Variants in MMAB observed in about 807,000 individuals in gnomAD.
MMAB encodes the protein corrinoid adenosyltransferase MMAB.
Under a neutral mutation model 30.6 loss-of-function variants are expected in MMAB, and 17 were observed. The ratio of observed to expected loss-of-function variants is 0.56; its 90% CI spans 0.38 to 0.83. MMAB has a LOEUF of 0.83. MMAB is among the 40% of genes least tolerant of loss of function. MMAB has a pLI of 0.00. For missense variants in MMAB, 311 were observed against 331.6 expected, an observed-to-expected ratio of 0.94 and a Z score of 0.48; for synonymous variants, 134 against 138.6, an observed-to-expected ratio of 0.97 and a Z score of 0.23.
Position 109,556,645 on chromosome 12 carries a change from C to T in MMAB, c.*383G>A. The T allele has an allele frequency of 2.4e-6, 1 of 410,092 alleles. No homozygotes were observed. The allele number at this position is 410,092 out of a possible 1,614,324, so 25.4% of individuals were successfully genotyped here. On this transcript the variant is annotated 3_prime_UTR_variant, in exon 9 of 9. Transcript: ENST00000545712. ...CCTGAGCTGGCAGTGGGAGGGCTCT[C>T]TCTCACACACACACACACACACACA...
At chr12:109,572,574 AG>A (rs1884685386) in intron 1 of MMAB, among the ~76,000 whole-genome samples, 1 of 151,994 alleles carries the variant, frequency 6.6e-6, no homozygotes, top group African/African-American at 2.4e-5. Context: ...GTTCACAGAC[AG>A]GGTCTTGCTC....
At position 109,561,866 on chromosome 12, in the gene MMAB, G is replaced by C. The variant is rs1452207959; in HGVS notation, c.349-14C>G. 1 of 1,595,298 alleles carries C rather than the reference G, an allele frequency of 6.3e-7. No individual in the cohort carries two copies. Among genetic ancestry groups the C allele is most frequent in the East Asian group, 2.3e-5 (1 of 44,152 alleles). On this transcript the variant is annotated splice_polypyrimidine_tract_variant and intron_variant, in intron 4 of 8. Coordinates refer to ENST00000545712, the MANE Select transcript of MMAB (RefSeq NM_052845.4). This position sits in a 1 kb window ranked among gnomAD's most constrained non-coding sequence, Gnocchi z 5.3. ...TGTGCACTGGATCTGGGGGGCGACA[G>C]AAAGTGACAGTCAAGATCTATGTGA...
At chr12:109,562,174 T>A (rs1165494534) in intron 4 of MMAB, among the ~76,000 whole-genome samples, 7 of 152,124 alleles carry the variant, frequency 4.6e-5, no homozygotes, top group East Asian at 1.9e-4. Context: ...CTCTTCACAC[T>A]CTCTCTCTCC....
In MMAB at chr12:109,555,473, TAG is replaced by T; in HGVS notation, c.*1553_*1554del. The stretch of plus-strand genomic sequence containing the variant: ...AATTTTTTTTTTTTTTTTTTTTTTT[TAG>T]CAGAAATGGGGTTTTACCATGTTGA... On this transcript the variant is annotated 3_prime_UTR_variant, in exon 9 of 9. Coordinates refer to ENST00000545712, the MANE Select transcript of MMAB (RefSeq NM_052845.4). The T allele has an allele frequency of 5.9e-6, 2 of 341,294 alleles. No individual in the cohort carries two copies. The highest frequency in any genetic ancestry group is 5.4e-6 in the Non-Finnish European group (1 of 185,192). 21.1% of individuals were successfully genotyped at this position (341,294 alleles called of 1,614,324 possible).
chr12:109,571,902 C>A (rs1884646853), intron 1 of MMAB, among the ~76,000 whole-genome samples, 192 bp from the exon 2 acceptor site: 1 of 152,212 alleles, frequency 6.6e-6, no homozygotes, highest in Non-Finnish European at 1.5e-5. Flanking sequence ...TGGGCAAGAC[C>A]AGAGCTGGAT....
Position 109,556,222 on chromosome 12 carries a change from GTGGATGTCAGCCTTGC to G in MMAB, c.*790_*805del, listed in dbSNP as rs1397512781. ...GTGCAACATCGGAGAAATCAGTCTG[GTGGATGTCAGCCTTGC>G]TGGAAACTGACAACCTCATTTTCTC... On this transcript the variant is annotated 3_prime_UTR_variant, in exon 9 of 9. Transcript: ENST00000545712. 2.2e-6 allele frequency: 1 copy of G among 454,126 alleles called. No homozygotes were observed. Among genetic ancestry groups the G allele is most frequent in the East Asian group, 7.0e-5 (1 of 14,386 alleles). 28.1% of individuals were successfully genotyped at this position (454,126 alleles called of 1,614,324 possible). A position where few individuals can be genotyped will look rare whatever the true frequency, so the allele number is the denominator to read the frequency against.
rs1037331881 is a variant in MMAB at position 109,555,681 on chromosome 12, C to T, written c.*1347G>A. ...TGGAAGGCATTCACACACTCCTGGT[C>T]ATCTGCACCTCACCCACCCTGCCCA... is the stretch of plus-strand genomic sequence containing the variant. On this transcript the variant is annotated 3_prime_UTR_variant, in exon 9 of 9. Transcript: ENST00000545712. 4.2e-5 allele frequency: 19 copies of T among 453,428 alleles called. No individual in the cohort carries two copies. The highest frequency in any genetic ancestry group is 3.2e-4 in the African/African-American group (16 of 50,044). The allele number at this position is 453,428 out of a possible 1,614,324, so 28.1% of individuals were successfully genotyped here. A position where few individuals can be genotyped will look rare whatever the true frequency, so the allele number is the denominator to read the frequency against.
In MMAB at chr12:109,559,132, C is replaced by T. The variant is rs1374224361; in HGVS notation, c.608G>A (p.Gly203Glu). The change falls in exon 8 of 9, where the codon GGA becomes GAA. Residue 203 changes from glycine (G) to glutamate (E), a missense_variant. Physicochemically the swap from Gly to Glu is moderately conservative, Grantham distance 98. Coordinates refer to ENST00000545712, the MANE Select transcript of MMAB (RefSeq NM_052845.4). ...CTTGGCCACGTTCGCATCGGTCTCT[C>T]CCATCTGGACAAGAGGCACCACACT... ...ERRVVPLVQM[G>E]ETDANVAKFL... 1.9e-6 allele frequency: 3 copies of T among 1,613,866 alleles called. No individual in the cohort carries two copies. Among genetic ancestry groups the T allele is most frequent in the South Asian group, 2.2e-5 (2 of 91,074 alleles).
chr12:109,554,626 G>C lies in MMAB; in HGVS notation c.*2402C>G, dbSNP rs1260297616. ...AGTTGCCAGTGGTGTGCAAACACTG[G>C]GGCAGCGGGGGCTTCGCAGTCACAT... On this transcript the variant is annotated 3_prime_UTR_variant, in exon 9 of 9. Coordinates refer to ENST00000545712, the MANE Select transcript of MMAB (RefSeq NM_052845.4). The C allele has an allele frequency of 4.4e-6, 2 of 453,972 alleles. No homozygotes were observed. Among genetic ancestry groups the C allele is most frequent in the African/African-American group, 2.0e-5 (1 of 49,994 alleles). The allele number at this position is 453,972 out of a possible 1,614,324, so 28.1% of individuals were successfully genotyped here.
chr12:109,559,349 C>T (rs947610932), intron 7 of MMAB, among the ~76,000 whole-genome samples, 194 bp from the exon 8 acceptor site: 6 of 152,234 alleles, frequency 3.9e-5, no homozygotes, highest in Non-Finnish European at 8.8e-5. Context: ...TCCACCAGCA[C>T]ATCGCAGGAC....
intron 2 of MMAB, 119 bp downstream of exon 2, chr12:109,571,530 G>T: frequency 1.1e-6 from 1 of 913,462 alleles, no homozygotes; most frequent in Non-Finnish European, 1.8e-6. Flanking sequence ...GGGATTACAG[G>T]CATGAGCCAC....
chr12:109,557,268 C>T, intron 8 of MMAB, 132 bp from the exon 9 acceptor site: 10 of 726,648 alleles, frequency 1.4e-5, no homozygotes, highest in East Asian at 5.3e-5. Context: ...GCAGGGAGGG[C>T]GGGGGCCCAG....
In MMAB at chr12:109,561,902, A is replaced by G; in HGVS notation, c.349-50T>C. 6.5e-7 allele frequency: 1 copy of G among 1,533,038 alleles called. No homozygotes were observed. The highest frequency in any genetic ancestry group is 8.9e-7 in the Non-Finnish European group (1 of 1,123,716). 95.0% of individuals were successfully genotyped at this position (1,533,038 alleles called of 1,614,324 possible). On this transcript the variant is annotated intron_variant, in intron 4 of 8. Transcript: ENST00000545712. This position sits in a 1 kb window ranked among gnomAD's most constrained non-coding sequence, Gnocchi z 5.3. ...TCAAGATCTATGTGAGATGGGCTGG[A>G]CAGAGACAATGTGCAGAGGCGCCAC...
In MMAB at chr12:109,573,481, G is replaced by A. The variant is rs773872061; in HGVS notation, c.-1C>T. 8.1e-6 allele frequency: 13 copies of A among 1,601,130 alleles called. No individual in the cohort carries two copies. The South Asian group carries it at 1.3e-4, about 16-fold the overall frequency. ...GGCTCCCCAGGCCGCACACAGCCAT[G>A]AGCCAGGCTGCTTGACGGGACCTGA... On this transcript the variant is annotated 5_prime_UTR_variant, in exon 1 of 9. Transcript: ENST00000545712.
intron 2 of MMAB, chr12:109,570,092 T>TCTCTA (rs1490503771): frequency 3.1e-6 from 1 of 320,128 alleles, no homozygotes; most frequent in African/African-American, 2.3e-5. Flanking sequence ...CAAATCCCCG[T>TCTCTA]CTCTACTAAA....
intron 4 of MMAB, among the ~76,000 whole-genome samples, chr12:109,562,349 A>C (rs1032790761): frequency 3.9e-5 from 6 of 152,252 alleles, no homozygotes; most frequent in African/African-American, 1.4e-4. Context: ...TCTTTATAGC[A>C]GTGCGAGAAC....
At chr12:109,565,072 C>T (rs1390268099) in intron 4 of MMAB, 47 bp downstream of exon 4, 3 of 1,488,320 alleles carry the variant, frequency 2.0e-6, no homozygotes, top group East Asian at 4.5e-5. Context: ...CCCGTGATGG[C>T]CACCGGGGCT....
chr12:109,570,027 C>A, intron 2 of MMAB: 1 of 250,448 alleles, frequency 4.0e-6, no homozygotes, highest in Non-Finnish European at 8.3e-6. Context: ...TTTGGGAGGC[C>A]ATGGTGGGCA....
At chr12:109,563,701 T>C (rs1884302267) in intron 4 of MMAB, among the ~76,000 whole-genome samples, 1 of 152,224 alleles carries the variant, frequency 6.6e-6, no homozygotes, top group African/African-American at 2.4e-5. Context: ...CTCAGGAGGT[T>C]GAAAGCCTTC....
Sources: gnomAD v4.1 joint callset for allele counts (sites outside exome capture counted in the v4.1 genomes callset) on GRCh38, gnomAD v4.1.1 for gene constraint, Gnocchi (gnomAD v3.1) non-coding constraint, MANE v1.5 for transcripts, NCBI Gene and HGNC (gene_info 2026-07-23, HGNC 2026-07-21) for gene names.